The following RXFP1 variants were observed in gnomAD, a reference collection of about 807,000 sequenced individuals.
The protein encoded by RXFP1 is relaxin family peptide receptor 1, also known as relaxin receptor 1.
Under a neutral mutation model 89.8 loss-of-function variants are expected in RXFP1, and 73 were observed. The observed-to-expected ratio is 0.81, with a 90% CI of 0.67 to 0.99. RXFP1 has a LOEUF of 0.99. Ranked by LOEUF, RXFP1 falls within the 50% of genes least tolerant of loss-of-function variation. RXFP1 has a pLI of 0.00. For synonymous variants in RXFP1, 277 were observed against 305.5 expected (o/e 0.91, Z 0.97); for missense variants, 793 against 895.5 (o/e 0.89, Z 1.46).
At chr4:158,642,968 T>A (rs189783478) in intron 14 of RXFP1, among the ~76,000 whole-genome samples, 1 of 152,200 alleles carries the variant, frequency 6.6e-6, no homozygotes, top group African/African-American at 2.4e-5. Flanking sequence ...TTGATTTACA[T>A]AGGGCCCAAA....
chr4:158,571,169 C>A (rs773676852), intron 1 of RXFP1, among the ~76,000 whole-genome samples: 24 of 152,152 alleles, frequency 1.6e-4, no homozygotes, highest in Non-Finnish European at 3.1e-4. Context: ...TTCAATGTAT[C>A]CTCCCTGGGA....
At position 158,600,416 on chromosome 4, in the gene RXFP1, CAG is replaced by C. The variant is rs534957401; in HGVS notation, c.392+988_392+989del. Among the ~76,000 whole-genome samples, 522 of 152,256 alleles carry C rather than the reference CAG, an allele frequency of 3.4e-3. 1 individual carries two copies. Among genetic ancestry groups the C allele is most frequent in the African/African-American group, 0.012 (495 of 41,552 alleles). On this transcript the variant is annotated intron_variant, in intron 4 of 17. Transcript: ENST00000307765. ...AGGGAATATGAACTGAAAATATCAG[CAG>C]AGTTTTCCAAAAGAGGGAACATTTC...
intron 1 of RXFP1, among the ~76,000 whole-genome samples, chr4:158,564,631 T>C (rs1369236356): frequency 6.6e-6 from 1 of 152,194 alleles, no homozygotes; most frequent in Non-Finnish European, 1.5e-5. Flanking sequence ...AAAAAAATTG[T>C]GAACCACTGA....
At chr4:158,608,684 T>C (rs989221701) in intron 6 of RXFP1, among the ~76,000 whole-genome samples, 4 of 152,204 alleles carry the variant, frequency 2.6e-5, no homozygotes, top group African/African-American at 9.7e-5. Context: ...ATTAAGTACA[T>C]TGACATTGTT....
In RXFP1 at chr4:158,605,082, A is replaced by C; in HGVS notation, c.407A>C (p.Asn136Thr). 1 of 1,584,016 alleles carries C rather than the reference A, an allele frequency of 6.3e-7. No homozygotes were observed. The highest frequency in any genetic ancestry group is 8.6e-7 in the Non-Finnish European group (1 of 1,157,968). Residue 136 changes from asparagine to threonine, a missense_variant, in exon 5 of 18, where the codon AAC becomes ACC. Asn to Thr is a moderately conservative substitution (Grantham distance 65). Transcript: ENST00000307765. ...ATTTATTTCAGGTCACTTCAGTGGAACTTAATAAGAAAGCTTCCTCCTGAT... is the reference window on the plus strand; with the variant it reads ...ATTTATTTCAGGTCACTTCAGTGGACCTTAATAAGAAAGCTTCCTCCTGAT... ...SNVTAMSLQWNLIRKLPPDCF... is the reference protein window; with the variant it reads ...SNVTAMSLQWTLIRKLPPDCF...
chr4:158,585,308 A>G (rs1012840245), intron 2 of RXFP1, among the ~76,000 whole-genome samples: 3 of 152,250 alleles, frequency 2.0e-5, no homozygotes. Context: ...ATGTTACCAT[A>G]GAACTCTCTT....
chr4:158,543,616 C>T, intron 1 of RXFP1: 1 of 301,264 alleles, frequency 3.3e-6, no homozygotes, highest in South Asian at 1.3e-4. Context: ...CCAACAGTTT[C>T]CCTGAGCCCT....
At chr4:158,631,291 G>C (rs528962653) in intron 11 of RXFP1, among the ~76,000 whole-genome samples, 1 of 152,206 alleles carries the variant, frequency 6.6e-6, no homozygotes, top group South Asian at 2.1e-4. Flanking sequence ...ATTTTACTTG[G>C]CTTCCTATAC....
At chr4:158,521,790 A>G (rs974168719), upstream of RXFP1, 2 of 542,906 alleles carry the variant, frequency 3.7e-6, no homozygotes, top group African/African-American at 2.0e-5. Context: ...AATAGAAAGG[A>G]GGAAAGAAAA....
At chr4:158,642,274 T>C (rs1030822000) in intron 14 of RXFP1, among the ~76,000 whole-genome samples, 1 of 152,202 alleles carries the variant, frequency 6.6e-6, no homozygotes, top group Non-Finnish European at 1.5e-5. Context: ...ATCCATCCTC[T>C]CAAACATTTA....
chr4:158,627,524 T>C (rs891371796), intron 10 of RXFP1, among the ~76,000 whole-genome samples: 6 of 151,528 alleles, frequency 4.0e-5, no homozygotes, highest in African/African-American at 1.5e-4. Context: ...TGTGTGTGTG[T>C]GTGTGTGTGT....
intron 1 of RXFP1, among the ~76,000 whole-genome samples, chr4:158,551,703 G>A (rs562315248): frequency 1.5e-4 from 23 of 152,248 alleles, no homozygotes; most frequent in African/African-American, 4.6e-4. Flanking sequence ...CACTTTGAGC[G>A]GCCGAGGTGA....
intron 15 of RXFP1, chr4:158,646,448 C>G: frequency 8.0e-7 from 1 of 1,246,110 alleles, no homozygotes; most frequent in African/African-American, 1.6e-5. Flanking sequence ...GAGTCCCTAA[C>G]TGAATGCTCT....
chr4:158,650,451 A>ATATATATATATATATATATATATATATAT (rs1772469410), intron 17 of RXFP1, among the ~76,000 whole-genome samples: 1 of 149,526 alleles, frequency 6.7e-6, no homozygotes, highest in African/African-American at 2.4e-5. Context: ...ATATATATAT[A>ATATATATATATATATATATATATATATAT]ATGCAGTTTG....
intron 3 of RXFP1, 136 bp from the exon 4 acceptor site, chr4:158,599,190 C>T: frequency 7.2e-7 from 1 of 1,390,126 alleles, no homozygotes; most frequent in Middle Eastern, 1.8e-4. Flanking sequence ...AAAGCATTGC[C>T]TAAATTGCCT....
rs528018357 is a variant in RXFP1 at position 158,551,043 on chromosome 4, T to G, written c.50-21655T>G. On this transcript the variant is annotated intron_variant, in intron 1 of 17. Transcript: ENST00000307765. ...AGTCAATGTAACGGACTATTAAGTTTTAAAACTGGGTTGTGGACCTAAGTG... is the reference window on the plus strand; with the variant it reads ...AGTCAATGTAACGGACTATTAAGTTGTAAAACTGGGTTGTGGACCTAAGTG... Among the ~76,000 whole-genome samples the G allele has an allele frequency of 2.0e-5, 3 of 151,492 alleles. No homozygotes were observed. The East Asian group carries it at 5.8e-4, about 29-fold the overall frequency.
chr4:158,582,631 C>T (rs1757596436), intron 2 of RXFP1, among the ~76,000 whole-genome samples: 1 of 152,206 alleles, frequency 6.6e-6, no homozygotes, highest in South Asian at 2.1e-4. Flanking sequence ...TATTTAGGTC[C>T]ATCTGCCTAG....
chr4:158,524,247 T>C (rs1177767469), intron 1 of RXFP1, among the ~76,000 whole-genome samples: 1 of 152,202 alleles, frequency 6.6e-6, no homozygotes. Flanking sequence ...TCAGAGCCCG[T>C]GCTCTCTCCC....
chr4:158,611,485 A>T (rs1399145357), intron 6 of RXFP1, among the ~76,000 whole-genome samples: 3 of 152,186 alleles, frequency 2.0e-5, no homozygotes, highest in African/African-American at 7.2e-5. Flanking sequence ...GTCTCTCCTT[A>T]TAGCCCCTTC....
Sources: allele counts gnomAD v4.1 joint callset (sites outside exome capture counted in the v4.1 genomes callset), GRCh38; gene constraint gnomAD v4.1.1; transcripts MANE v1.5; gene names NCBI Gene and HGNC (gene_info 2026-07-23, HGNC 2026-07-21).